The following LOXHD1 variants were observed in gnomAD, a reference collection of about 807,000 sequenced individuals.
LOXHD1 encodes the protein lipoxygenase homology PLAT domains 1, also known as lipoxygenase homology domain-containing protein 1.
Under a neutral mutation model 248.2 loss-of-function variants are expected in LOXHD1, and 205 were observed. The ratio of observed to expected loss-of-function variants is 0.83; its 90% CI spans 0.74 to 0.93. LOXHD1 has a LOEUF of 0.93. LOXHD1 is among the 40% of genes least tolerant of loss of function. The probability of loss-of-function intolerance (pLI) is 0.00; values close to 1 mark genes in which losing one functional copy is unlikely to be tolerated. For missense variants in LOXHD1, 2,930 were observed against 2,971.6 expected, an observed-to-expected ratio of 0.99 and a Z score of 0.33; for synonymous variants, 1,113 against 1,162.8, an observed-to-expected ratio of 0.96 and a Z score of 0.87.
At chr18:46,544,981 C>A in intron 23 of LOXHD1, 1 of 487,748 alleles carries the variant, frequency 2.1e-6, no homozygotes. Flanking sequence ...AGTACCTGAG[C>A]AAAGGCTCCT....
intron 5 of LOXHD1, among the ~76,000 whole-genome samples, chr18:46,616,270 G>T (rs2038585647): frequency 1.3e-5 from 2 of 151,576 alleles, no homozygotes; most frequent in South Asian, 4.2e-4. Context: ...GTCTTCCTTT[G>T]GTTTTCAAAT....
intron 12 of LOXHD1, among the ~76,000 whole-genome samples, chr18:46,583,336 C>T (rs1568200663): frequency 6.6e-6 from 1 of 151,690 alleles, no homozygotes; most frequent in Non-Finnish European, 1.5e-5. Flanking sequence ...AAACTTTTGC[C>T]CAAACAAAAA....
Position 46,574,388 on chromosome 18 carries a change from TAC to T in LOXHD1, c.1971-2228_1971-2227del, listed in dbSNP as rs569144159. Among the ~76,000 whole-genome samples, 660 of 125,044 alleles carry T rather than the reference TAC, an allele frequency of 5.3e-3. 2 individuals are homozygous for T. Among genetic ancestry groups the T allele is most frequent in the African/African-American group, 0.011 (336 of 29,644 alleles). The allele number at this position is 125,044 out of a possible 152,430, so 82.0% of individuals were successfully genotyped here. A position where few individuals can be genotyped will look rare whatever the true frequency, so the allele number is the denominator to read the frequency against. On this transcript the variant is annotated intron_variant, in intron 14 of 40. Coordinates refer to ENST00000642948, the MANE Select transcript of LOXHD1 (RefSeq NM_001384474.1). ...TCACAGGAGTGTGTGTGTGTACACA[TAC>T]ACACACACACACACACACACACACA...
Position 46,529,218 on chromosome 18 carries a change from C to T in LOXHD1, c.4489G>A (p.Gly1497Ser). 6.4e-7 allele frequency: 1 copy of T among 1,551,642 alleles called. No homozygotes were observed. Among genetic ancestry groups the T allele is most frequent in the South Asian group, 1.2e-5 (1 of 84,050 alleles). ...TTGTTGGTCCGGTTCTCTGACTTGC[C>T]AAGGTATCGCTCCCCAGTGTCCCCG... ...DLGDTGERYL[G>S]KSENRTNKFE... Residue 1497 changes from glycine (G) to serine (S), a missense_variant, in exon 29 of 41, where the codon GGC becomes AGC. Coordinates refer to ENST00000642948, the MANE Select transcript of LOXHD1 (RefSeq NM_001384474.1).
At chr18:46,644,103 A>G (rs1027503467) in intron 2 of LOXHD1, among the ~76,000 whole-genome samples, 1 of 152,190 alleles carries the variant, frequency 6.6e-6, no homozygotes, top group African/African-American at 2.4e-5. Context: ...GTAATTATGA[A>G]AAAAGCACAA....
rs1320129369 is a variant in LOXHD1, at chr18:46,522,190, A to T, written c.4996T>A (p.Tyr1666Asn). ...DERSKRIWLDYPRGKRGFSRG... is the reference protein window; with the variant it reads ...DERSKRIWLDNPRGKRGFSRG... ...CTGAAGCCCCTCTTCCCTCGGGGGT[A>T]GTCCAACCAGATGCGCTTACTACGT... Residue 1666 changes from tyrosine to asparagine, a missense_variant, in exon 32 of 41, where the codon TAC (tyrosine) becomes AAC (asparagine). Transcript: ENST00000642948. 17 of 1,551,634 alleles carry T rather than the reference A, an allele frequency of 1.1e-5. No homozygotes were observed. The highest frequency in any genetic ancestry group is 2.0e-5 in the Admixed American group (1 of 50,986).
intron 37 of LOXHD1, among the ~76,000 whole-genome samples, chr18:46,505,332 C>A (rs2034491305): frequency 6.6e-6 from 1 of 152,092 alleles, no homozygotes; most frequent in Non-Finnish European, 1.5e-5. Flanking sequence ...GGGTGCATGC[C>A]ACCATGCCCA....
At chr18:46,574,865 G>T (rs1469318293) in intron 14 of LOXHD1, among the ~76,000 whole-genome samples, 5 of 152,266 alleles carry the variant, frequency 3.3e-5, no homozygotes, top group South Asian at 2.1e-4. Context: ...CTAGACTTCT[G>T]GTTCCCAGCT....
chr18:46,602,695 AT>A (rs1156481674), intron 7 of LOXHD1, among the ~76,000 whole-genome samples: 1 of 151,554 alleles, frequency 6.6e-6, no homozygotes, highest in Non-Finnish European at 1.5e-5. Flanking sequence ...TTAAACTTAC[AT>A]TTTCTTTTGT....
At chr18:46,525,024 C>T (rs1371807347) in intron 29 of LOXHD1, 107 bp from the exon 30 acceptor site, 3 of 1,294,104 alleles carry the variant, frequency 2.3e-6, no homozygotes, top group Non-Finnish European at 2.1e-6. Flanking sequence ...CTGCACTGAA[C>T]AGACCTTCTT....
chr18:46,578,211 C>T (rs561974213), intron 13 of LOXHD1, among the ~76,000 whole-genome samples: 1 of 152,336 alleles, frequency 6.6e-6, no homozygotes, highest in East Asian at 1.9e-4. Flanking sequence ...TACTGGGCCC[C>T]TTCCAAGGAG....
chr18:46,577,184 C>G (rs545447087), intron 14 of LOXHD1, among the ~76,000 whole-genome samples: 41 of 152,164 alleles, frequency 2.7e-4, no homozygotes, highest in Non-Finnish European at 2.5e-4. Context: ...TAAAATCTCT[C>G]TATCAGGGAC....
chr18:46,641,002 T>C, intron 3 of LOXHD1, among the ~76,000 whole-genome samples: 1 of 152,152 alleles, frequency 6.6e-6, no homozygotes, highest in East Asian at 1.9e-4. Context: ...TGGAAGGATG[T>C]ATGCCTCTGT....
intron 6 of LOXHD1, among the ~76,000 whole-genome samples, chr18:46,609,749 C>T (rs1042507504): frequency 6.6e-6 from 1 of 152,100 alleles, no homozygotes; most frequent in Non-Finnish European, 1.5e-5. Context: ...CATTACAGTG[C>T]CTCTTTCCCC....
At chr18:46,540,559 G>A (rs2036513544) in intron 25 of LOXHD1, among the ~76,000 whole-genome samples, 1 of 151,746 alleles carries the variant, frequency 6.6e-6, no homozygotes, top group Non-Finnish European at 1.5e-5. Context: ...AGAACCCCTG[G>A]AAGTTTCTGG....
intron 14 of LOXHD1, 33 bp downstream of exon 14, chr18:46,577,673 CT>C: frequency 5.2e-6 from 8 of 1,542,070 alleles, no homozygotes; most frequent in Non-Finnish European, 7.0e-6. Flanking sequence ...ATAACCTAAG[CT>C]GGAGAAAACA....
chr18:46,522,665 A>C (rs944333306), intron 31 of LOXHD1, among the ~76,000 whole-genome samples: 16 of 152,234 alleles, frequency 1.1e-4, no homozygotes, highest in Admixed American at 3.9e-4. Context: ...TTATATGCCC[A>C]AAAAGCTCCC....
chr18:46,578,729 T>C (rs575725115), intron 13 of LOXHD1, among the ~76,000 whole-genome samples: 1 of 152,240 alleles, frequency 6.6e-6, no homozygotes, highest in South Asian at 2.1e-4. Context: ...CTGAGCTCCC[T>C]TGGCCTCACT....
In LOXHD1 at chr18:46,577,741, G is replaced by C; in HGVS notation, c.1936C>G (p.Pro646Ala). ...DRVLVREEGQ[P>A]ESDNVEFPCL... ...GGGAACTCCACGTTGTCGCTCTCAG[G>C]CTGCCCCTCCTCTCTCACCAGCACT... is the stretch of plus-strand genomic sequence containing the variant. The change falls in exon 14 of 41, where the codon CCT becomes GCT. Residue 646 changes from proline (P) to alanine (A), a missense_variant. Transcript: ENST00000642948. 1.3e-6 allele frequency: 2 copies of C among 1,551,576 alleles called. No homozygotes were observed. The highest frequency in any genetic ancestry group is 1.2e-5 in the South Asian group (1 of 84,048).
Sources: allele counts gnomAD v4.1 joint callset (sites outside exome capture counted in the v4.1 genomes callset), GRCh38; gene constraint gnomAD v4.1.1; transcripts MANE v1.5; gene names NCBI Gene and HGNC (gene_info 2026-07-23, HGNC 2026-07-21).